PDE1C: variants seen among roughly 807,000 people sequenced by gnomAD.
PDE1C encodes the protein phosphodiesterase 1C, also known as dual specificity calcium/calmodulin-dependent 3',5'-cyclic nucleotide phosphodiesterase 1C.
A neutral mutation model predicts 93.1 loss-of-function variants in PDE1C; 62 were observed. The ratio of observed to expected loss-of-function variants is 0.67; its 90% confidence interval spans 0.54 to 0.82. The LOEUF (loss-of-function observed/expected upper bound fraction) is 0.82, where lower values mean the gene tolerates loss of function less well. Among genes scored for constraint, PDE1C ranks in the 40% least tolerant of loss-of-function variants. The pLI, the probability that PDE1C is intolerant of heterozygous loss-of-function variation, is 0.00. For synonymous variants in PDE1C, 325 were observed against 310.1 expected, an observed-to-expected ratio of 1.05 and a Z score of -0.50; for missense variants, 742 against 884.6, an observed-to-expected ratio of 0.84 and a Z score of 2.04.
At chr7:31,750,088 T>A (rs112008875), downstream of PDE1C, among the ~76,000 whole-genome samples, 101 of 152,198 alleles carry the variant, frequency 6.6e-4, 1 homozygote, top group African/African-American at 2.1e-3. Flanking sequence ...ATCCTAAACC[T>A]TTAGGAAAAG....
chr7:31,715,245 C>CT, the PDE1C span, among the ~76,000 whole-genome samples: 10,385 of 146,780 alleles, frequency 0.071, 407 homozygotes, highest in Non-Finnish European at 0.098. Context: ...GTAAAGGCCT[C>CT]TTTTTTTTTT....
At chr7:32,157,767 G>A (rs959772404) in intron 3 of PDE1C, among the ~76,000 whole-genome samples, 1 of 152,200 alleles carries the variant, frequency 6.6e-6, no homozygotes, top group African/African-American at 2.4e-5. Flanking sequence ...TGGATAGATA[G>A]ATGATAAACC....
the PDE1C span, among the ~76,000 whole-genome samples, chr7:31,673,488 T>C: frequency 6.6e-6 from 1 of 152,196 alleles, no homozygotes; most frequent in Non-Finnish European, 1.5e-5. Context: ...GGGGATTCTA[T>C]ATTTGTTATG....
At chr7:32,162,201 C>T (rs1459985884) in intron 3 of PDE1C, among the ~76,000 whole-genome samples, 2 of 152,156 alleles carry the variant, frequency 1.3e-5, no homozygotes, top group Non-Finnish European at 2.9e-5. Context: ...GTACAAGATA[C>T]TAAAGAAAAT....
At chr7:31,720,901 A>T in the PDE1C span, among the ~76,000 whole-genome samples, 24 of 152,324 alleles carry the variant, frequency 1.6e-4, no homozygotes, top group Admixed American at 7.8e-4. Context: ...GTTTTACCAA[A>T]CACTACCTCT....
chr7:31,828,466 G>A, intron 11 of PDE1C, 93 bp from the exon 12 acceptor site: 2 of 765,496 alleles, frequency 2.6e-6, no homozygotes, highest in East Asian at 2.7e-5. Flanking sequence ...GAGGCCACTG[G>A]TCTTTATTTT....
At chr7:32,079,012 T>G (rs776436064) in intron 3 of PDE1C, among the ~76,000 whole-genome samples, 85 of 152,046 alleles carry the variant, frequency 5.6e-4, no homozygotes, top group Non-Finnish European at 8.4e-4. Flanking sequence ...GTGTAGGAGA[T>G]GCAAAGTGGA....
At chr7:31,871,198 C>T (rs114927601) in intron 6 of PDE1C, among the ~76,000 whole-genome samples, 1,682 of 151,828 alleles carry the variant, frequency 0.011, 32 homozygotes, top group African/African-American at 0.038. Flanking sequence ...AACTAGACAT[C>T]CATCTCTCAT....
intron 1 of PDE1C, among the ~76,000 whole-genome samples, chr7:32,375,936 C>T (rs1224105909): frequency 6.6e-6 from 1 of 152,112 alleles, no homozygotes; most frequent in Non-Finnish European, 1.5e-5. Flanking sequence ...CAGGCAGATC[C>T]CTTTGAGGTC....
At chr7:32,362,981 C>A (rs1784162469) in intron 1 of PDE1C, among the ~76,000 whole-genome samples, 2 of 152,270 alleles carry the variant, frequency 1.3e-5, no homozygotes, top group African/African-American at 2.4e-5. Flanking sequence ...AAGAAGGAAG[C>A]CAATCACGAA....
At chr7:32,367,282 G>C (rs1324608900) in intron 1 of PDE1C, among the ~76,000 whole-genome samples, 1 of 151,956 alleles carries the variant, frequency 6.6e-6, no homozygotes, top group Admixed American at 6.6e-5. Context: ...AAAGAGCAAG[G>C]AATCAAATCT....
chr7:32,201,215 T>TA (rs1376986958), intron 2 of PDE1C, among the ~76,000 whole-genome samples: 1 of 152,230 alleles, frequency 6.6e-6, no homozygotes, highest in African/African-American at 2.4e-5. Context: ...TATGTGCTTG[T>TA]AAAAAATGAG....
the PDE1C span, among the ~76,000 whole-genome samples, chr7:31,622,707 C>T: frequency 1.3e-5 from 2 of 151,838 alleles, no homozygotes; most frequent in Non-Finnish European, 2.9e-5. Flanking sequence ...ACTAGAAAAT[C>T]AAGAGCAAAC....
intron 16 of PDE1C, among the ~76,000 whole-genome samples, chr7:31,780,862 C>T (rs544475527): frequency 1.2e-4 from 18 of 151,066 alleles, no homozygotes; most frequent in Admixed American, 5.3e-4. Context: ...GGTAATCTGT[C>T]ATCTTTGGGA....
chr7:32,291,956 G>T (rs1037254545), intron 1 of PDE1C, among the ~76,000 whole-genome samples: 3 of 152,182 alleles, frequency 2.0e-5, no homozygotes, highest in African/African-American at 7.2e-5. Flanking sequence ...AGTCCAGTAT[G>T]TGTTTTCTAA....
At chr7:31,889,694 T>G (rs1054198971) in intron 2 of PDE1C, among the ~76,000 whole-genome samples, 15 of 152,166 alleles carry the variant, frequency 9.9e-5, no homozygotes, top group Admixed American at 9.8e-4. Context: ...CCAAAGTGAG[T>G]GTGTCAGCTC....
the PDE1C span, among the ~76,000 whole-genome samples, chr7:31,654,469 T>C: frequency 2.0e-5 from 3 of 152,150 alleles, no homozygotes; most frequent in African/African-American, 7.2e-5. Context: ...AGGGTCGTCA[T>C]ATAATCTGAT....
At position 32,095,338 on chromosome 7, in the gene PDE1C, T is replaced by C. The variant is rs141290819; in HGVS notation, c.308+74447A>G. Among the ~76,000 whole-genome samples, 1,388 of 152,290 alleles carry C rather than the reference T, an allele frequency of 9.1e-3. 18 individuals are homozygous for C. Among genetic ancestry groups the C allele is most frequent in the African/African-American group, 0.032 (1,309 of 41,552 alleles). On this transcript the variant is annotated intron_variant, in intron 3 of 18. Transcript: ENST00000396193. The stretch of plus-strand genomic sequence containing the variant: ...GTGTGAAGTCAGACAACAATCAGGT[T>C]ATGTGCCCATGACAGGCAGATCCAG...
intron 1 of PDE1C, among the ~76,000 whole-genome samples, chr7:32,285,918 A>T (rs756154281): frequency 6.6e-6 from 1 of 152,194 alleles, no homozygotes; most frequent in Non-Finnish European, 1.5e-5. Flanking sequence ...TTCATCCTTT[A>T]TAAATCTCTC....
Sources: allele counts gnomAD v4.1 joint callset (sites outside exome capture counted in the v4.1 genomes callset), GRCh38; gene constraint gnomAD v4.1.1; transcripts MANE v1.5; gene names NCBI Gene and HGNC (gene_info 2026-07-23, HGNC 2026-07-21).